Variants in ATXN7L1 observed in about 807,000 individuals in gnomAD.
The protein encoded by ATXN7L1 is ataxin-7-like protein 1.
A neutral mutation model predicts 70.8 loss-of-function variants in ATXN7L1; 15 were observed. That is an observed-to-expected ratio of 0.21 (90% CI 0.14 to 0.33). The LOEUF is 0.33. Ranked by LOEUF, ATXN7L1 falls within the 10% of genes least tolerant of loss-of-function variation. The pLI, the probability that ATXN7L1 is intolerant of heterozygous loss-of-function variation, is 1.00. For missense variants in ATXN7L1, 975 were observed against 1,097.1 expected (o/e 0.89, Z 1.57); for synonymous variants, 440 against 445.1 (o/e 0.99, Z 0.14).
At chr7:105,689,003 C>T (rs1790371237) in intron 3 of ATXN7L1, among the ~76,000 whole-genome samples, 1 of 152,168 alleles carries the variant, frequency 6.6e-6, no homozygotes, top group African/African-American at 2.4e-5. Context: ...TGGACTATGG[C>T]AAAGTGAGGT....
intron 2 of ATXN7L1, among the ~76,000 whole-genome samples, chr7:105,814,422 G>C (rs1808887867): frequency 6.6e-6 from 1 of 152,056 alleles, no homozygotes; most frequent in Non-Finnish European, 1.5e-5. Flanking sequence ...TATCAATTCA[G>C]TGTTTTCCAG....
chr7:105,626,350 T>C (rs556313799), intron 7 of ATXN7L1, among the ~76,000 whole-genome samples: 14 of 152,064 alleles, frequency 9.2e-5, no homozygotes, highest in African/African-American at 3.1e-4. Context: ...TTATCAGGAG[T>C]TGGAAGGAGC....
At chr7:105,764,663 A>G (rs1801008228) in intron 3 of ATXN7L1, among the ~76,000 whole-genome samples, 1 of 152,244 alleles carries the variant, frequency 6.6e-6, no homozygotes, top group South Asian at 2.1e-4. Context: ...TTCCTCAAGG[A>G]GTTCACAATA....
intron 2 of ATXN7L1, among the ~76,000 whole-genome samples, chr7:105,874,585 GTT>G (rs1818747431): frequency 6.6e-6 from 1 of 152,152 alleles, no homozygotes; most frequent in African/African-American, 2.4e-5. Context: ...ATAATGTTTT[GTT>G]CCCAAAGTGC....
chr7:105,765,012 T>A (rs1335061840), intron 3 of ATXN7L1, among the ~76,000 whole-genome samples: 1 of 152,172 alleles, frequency 6.6e-6, no homozygotes, highest in Non-Finnish European at 1.5e-5. Context: ...ACCATCTTCC[T>A]TGAAGTAGGA....
At chr7:105,743,314 C>A (rs559838865) in intron 3 of ATXN7L1, among the ~76,000 whole-genome samples, 1 of 152,128 alleles carries the variant, frequency 6.6e-6, no homozygotes, top group Non-Finnish European at 1.5e-5. Flanking sequence ...CTCCTATTGC[C>A]AACAGCTGAG....
At chr7:105,656,373 G>A (rs966277545) in intron 4 of ATXN7L1, among the ~76,000 whole-genome samples, 5 of 152,176 alleles carry the variant, frequency 3.3e-5, no homozygotes, top group African/African-American at 1.2e-4. Flanking sequence ...TCAACACTGT[G>A]AGATGGTGGC....
intron 3 of ATXN7L1, among the ~76,000 whole-genome samples, chr7:105,712,984 T>G (rs1029942198): frequency 1.3e-5 from 2 of 152,154 alleles, no homozygotes; most frequent in Non-Finnish European, 1.5e-5. Context: ...GAGGTTTAAT[T>G]GACTCACAGT....
chr7:105,762,356 C>G (rs1023542965), intron 3 of ATXN7L1, among the ~76,000 whole-genome samples: 1 of 152,186 alleles, frequency 6.6e-6, no homozygotes, highest in Non-Finnish European at 1.5e-5. Context: ...CTGTGTACTG[C>G]TCTTTCTCCA....
At chr7:105,723,038 C>G (rs1795384759) in intron 3 of ATXN7L1, among the ~76,000 whole-genome samples, 1 of 152,126 alleles carries the variant, frequency 6.6e-6, no homozygotes, top group Non-Finnish European at 1.5e-5. Flanking sequence ...TAGCAAGACC[C>G]TATTTTAAAA....
At chr7:105,751,429 C>T (rs1799197412) in intron 3 of ATXN7L1, among the ~76,000 whole-genome samples, 1 of 151,876 alleles carries the variant, frequency 6.6e-6, no homozygotes, top group Non-Finnish European at 1.5e-5. Flanking sequence ...TTCTGGAGTT[C>T]GAGACCAGCC....
intron 2 of ATXN7L1, among the ~76,000 whole-genome samples, chr7:105,809,724 G>A (rs1357283948): frequency 6.6e-6 from 1 of 151,696 alleles, no homozygotes; most frequent in Admixed American, 6.6e-5. Context: ...GCAAAGGGAG[G>A]TGAAGTGAGG....
intron 2 of ATXN7L1, among the ~76,000 whole-genome samples, chr7:105,798,093 C>A (rs1265589047): frequency 6.6e-6 from 1 of 152,188 alleles, no homozygotes; most frequent in Non-Finnish European, 1.5e-5. Flanking sequence ...CAATAATTGT[C>A]TCTATTTATT....
intron 2 of ATXN7L1, among the ~76,000 whole-genome samples, chr7:105,867,737 C>T (rs1240214105): frequency 6.6e-6 from 1 of 152,210 alleles, no homozygotes; most frequent in Admixed American, 6.5e-5. Context: ...ATTTCTGTAT[C>T]TTAGTCTATT....
intron 2 of ATXN7L1, among the ~76,000 whole-genome samples, chr7:105,875,438 T>C (rs771269742): frequency 6.6e-6 from 1 of 152,188 alleles, no homozygotes; most frequent in South Asian, 2.1e-4. Flanking sequence ...TAAGCTGTTG[T>C]GCATTCACCC....
chr7:105,790,821 C>G (rs748323813), intron 2 of ATXN7L1, among the ~76,000 whole-genome samples: 1 of 152,104 alleles, frequency 6.6e-6, no homozygotes, highest in Non-Finnish European at 1.5e-5. Flanking sequence ...CTCCTTTTAG[C>G]TGACTGGCTT....
At chr7:105,685,244 C>T (rs1285002906) in intron 3 of ATXN7L1, among the ~76,000 whole-genome samples, 19 of 151,990 alleles carry the variant, frequency 1.3e-4, no homozygotes, top group Admixed American at 1.2e-3. Context: ...GTTAGCAGTA[C>T]CTCCCCTCTC....
intron 10 of ATXN7L1, among the ~76,000 whole-genome samples, chr7:105,612,632 C>A (rs1793258971): frequency 6.6e-6 from 1 of 152,146 alleles, no homozygotes; most frequent in Non-Finnish European, 1.5e-5. Flanking sequence ...ACACCCCTGG[C>A]CATGGGGAGT....
At chr7:105,770,164 C>T (rs1036241507) in intron 3 of ATXN7L1, among the ~76,000 whole-genome samples, 7 of 152,164 alleles carry the variant, frequency 4.6e-5, no homozygotes, top group African/African-American at 9.7e-5. Flanking sequence ...TAAAAACTTA[C>T]GGCAAAAGCC....
Sources: gnomAD v4.1 joint callset for allele counts (sites outside exome capture counted in the v4.1 genomes callset) on GRCh38, gnomAD v4.1.1 for gene constraint, MANE v1.5 for transcripts, NCBI Gene and HGNC (gene_info 2026-07-23, HGNC 2026-07-21) for gene names.